The following ARSF variants were observed in gnomAD, a reference collection of about 807,000 sequenced individuals.
ARSF encodes the protein arylsulfatase F.
Under a neutral mutation model 35.4 loss-of-function variants are expected in ARSF, and 33 were observed. The observed-to-expected ratio is 0.93, with a 90% CI of 0.71 to 1.25. The LOEUF is 1.25. Among genes scored for constraint, ARSF ranks in the 50% most tolerant of loss-of-function variants. ARSF has a pLI of 0.00. For synonymous variants in ARSF, 222 were observed against 193.1 expected (o/e 1.15, Z -1.24); for missense variants, 501 against 480.2 (o/e 1.04, Z -0.40).
intron 1 of ARSF, among the ~76,000 whole-genome samples, chrX:3,053,442 C>T (rs2090004532): frequency 9.3e-6 from 1 of 107,946 alleles, no homozygotes; most frequent in Admixed American, 1.0e-4. Context: ...AATTCTAGTG[C>T]CTCAGCCTCC....
chrX:3,045,374 G>A (rs1278385527), intron 1 of ARSF, among the ~76,000 whole-genome samples: 1 of 111,229 alleles, frequency 9.0e-6, no homozygotes, highest in Non-Finnish European at 1.9e-5. Context: ...TCCTGGAGAA[G>A]TGGGTTGCTG....
chrX:3,099,575 C>T lies in ARSF; in HGVS notation c.968-1512C>T, dbSNP rs146809746. Reference sequence around the variant, plus strand: ...GATGGTGTGTTCTCAATCCAGTAGACAAGTAAGTGAATTAGCCCCAACAAT... The same window carrying T: ...GATGGTGTGTTCTCAATCCAGTAGATAAGTAAGTGAATTAGCCCCAACAAT... On this transcript the variant is annotated intron_variant, in intron 7 of 10. Coordinates refer to ENST00000381127, the MANE Select transcript of ARSF (RefSeq NM_001201539.2). 2.4e-3 allele frequency among the ~76,000 whole-genome samples: 264 copies of T among 111,725 alleles called. 1 individual carries two copies. The highest frequency in any genetic ancestry group is 8.2e-3 in the African/African-American group (252 of 30,857).
intron 4 of ARSF, 64 bp downstream of exon 4, chrX:3,076,733 G>A: frequency 1.7e-6 from 2 of 1,174,295 alleles, no homozygotes; most frequent in East Asian, 3.0e-5. Flanking sequence ...AAACAAAAAT[G>A]TGGCTTGACC....
At chrX:3,046,982 T>C (rs143951168) in intron 1 of ARSF, among the ~76,000 whole-genome samples, 8 of 107,901 alleles carry the variant, frequency 7.4e-5, no homozygotes, top group Non-Finnish European at 1.1e-4. Context: ...GGCAAGAAAA[T>C]GTCGTAACAT....
rs749415338 is a variant in ARSF, at chrX:3,084,581, C to A, written c.745C>A (p.Arg249=). Residue 249 remains arginine (R), a synonymous_variant, in exon 6 of 11, where the codon CGG becomes AGG. Transcript: ENST00000381127. ...TTTATACTGGGACTGCCTCCTCATG[C>A]GGGGGCACGAGATCACGGAGCAGCC... The part of the protein sequence containing the change: ...SPLYWDCLLM[R]GHEITEQPMK... The A allele has an allele frequency of 1.7e-6, 2 of 1,210,503 alleles. No individual in the cohort carries two copies. Among genetic ancestry groups the A allele is most frequent in the Non-Finnish European group, 2.2e-6 (2 of 894,843 alleles).
chrX:3,084,181 TGCAA>T, intron 5 of ARSF, 58 bp from the exon 6 acceptor site: 1 of 1,124,325 alleles, frequency 8.9e-7, no homozygotes, highest in Admixed American at 2.2e-5. Context: ...ACATGGTTTT[TGCAA>T]TGTGCTGGCA....
chrX:3,080,417 T>C (rs1446618500), intron 4 of ARSF, among the ~76,000 whole-genome samples: 2 of 107,644 alleles, frequency 1.9e-5, no homozygotes, highest in African/African-American at 6.8e-5. Flanking sequence ...GAGGTTGCAG[T>C]GAGCTGAGAT....
chrX:3,041,294 TTTTTC>T (rs1186452455), upstream of ARSF, among the ~76,000 whole-genome samples: 7 of 35,204 alleles, frequency 2.0e-4, no homozygotes, highest in African/African-American at 3.3e-4. Context: ...TTTTCTTTTC[TTTTTC>T]TTTTTTTTTT....
chrX:3,060,415 G>T (rs1181982149), intron 1 of ARSF, among the ~76,000 whole-genome samples: 2 of 111,899 alleles, frequency 1.8e-5, no homozygotes, highest in African/African-American at 6.5e-5. Flanking sequence ...TCCTCCAAAG[G>T]GTTGCAGCTC....
At chrX:3,066,390 C>A (rs1364842763) in intron 1 of ARSF, among the ~76,000 whole-genome samples, 1 of 111,204 alleles carries the variant, frequency 9.0e-6, no homozygotes, top group African/African-American at 3.3e-5. Context: ...ACAGGGAAGA[C>A]CTTCCATTTC....
chrX:3,106,456 C>G (rs2090412116), intron 9 of ARSF, among the ~76,000 whole-genome samples: 1 of 111,577 alleles, frequency 9.0e-6, no homozygotes, highest in African/African-American at 3.3e-5. Flanking sequence ...ACAGCAAATT[C>G]ACAGTATCAG....
rs149215105 is a variant in ARSF, at chrX:3,086,020, T to TA, written c.830+1365dup. On this transcript the variant is annotated intron_variant, in intron 6 of 10. Transcript: ENST00000381127. ...TGAGCAACAGAGGGAGACTCTGTCT[T>TA]AAAAAAAAAAATGTTGTCTGGGAGT... Among the ~76,000 whole-genome samples, 868 of 105,986 alleles carry TA rather than the reference T, an allele frequency of 8.2e-3. 7 individuals carry two copies. Among genetic ancestry groups the TA allele is most frequent in the African/African-American group, 0.025 (742 of 29,320 alleles). 92.0% of individuals were successfully genotyped at this position (105,986 alleles called of 115,157 possible). A position where few individuals can be genotyped will look rare whatever the true frequency, so the allele number is the denominator to read the frequency against.
intron 1 of ARSF, among the ~76,000 whole-genome samples, chrX:3,045,874 GTTTGTTTTGT>G (rs771948052): frequency 9.3e-6 from 1 of 107,626 alleles, no homozygotes; most frequent in African/African-American, 3.5e-5. Flanking sequence ...TGTTTTTTTT[GTTTGTTTTGT>G]TTTGTTTTGT....
rs1188366061 is a variant in ARSF, at chrX:3,112,390, A to G, written c.1607A>G (p.Asn536Ser). Residue 536 changes from asparagine to serine, a missense_variant, in exon 11 of 11, where the codon AAC (asparagine) becomes AGC (serine). Asn to Ser is a conservative substitution (Grantham distance 46). Coordinates refer to ENST00000381127, the MANE Select transcript of ARSF (RefSeq NM_001201539.2). The part of the protein sequence containing the change: ...LHDFVIKKVA[N>S]ALKEHQETIV... ...GATTTTGTGATTAAAAAGGTGGCCA[A>G]CGCCCTGAAGGAACACCAGGAAACC... 1.1e-5 allele frequency: 13 copies of G among 1,209,329 alleles called. No homozygotes were observed. The highest frequency in any genetic ancestry group is 8.9e-5 in the East Asian group (3 of 33,718).
intron 1 of ARSF, among the ~76,000 whole-genome samples, chrX:3,042,208 AAC>A (rs964755390): frequency 4.5e-5 from 5 of 112,185 alleles, no homozygotes; most frequent in East Asian, 2.8e-4. Context: ...TGCTTAGGCA[AAC>A]ACAGAAAATT....
intron 7 of ARSF, among the ~76,000 whole-genome samples, chrX:3,093,752 C>G (rs776241628): frequency 9.0e-6 from 1 of 111,282 alleles, no homozygotes; most frequent in Non-Finnish European, 1.9e-5. Context: ...GGGTAGACAC[C>G]CAGTAATGGC....
At chrX:3,103,561 G>C (rs2147542961) in intron 8 of ARSF, among the ~76,000 whole-genome samples, 1 of 111,865 alleles carries the variant, frequency 8.9e-6, no homozygotes, top group South Asian at 3.8e-4. Flanking sequence ...CATATGCTTA[G>C]TTATTTAATC....
intron 3 of ARSF, among the ~76,000 whole-genome samples, chrX:3,076,015 C>A (rs2090145827): frequency 9.2e-6 from 1 of 108,886 alleles, no homozygotes; most frequent in Non-Finnish European, 1.9e-5. Flanking sequence ...CTGTTTCTCT[C>A]TGTCTCCCTC....
intron 2 of ARSF, among the ~76,000 whole-genome samples, chrX:3,071,386 C>T (rs939128793): frequency 9.0e-6 from 1 of 110,661 alleles, no homozygotes; most frequent in Admixed American, 9.7e-5. Flanking sequence ...TCACTGCAAC[C>T]TCCGCCTCCC....
Sources: allele counts gnomAD v4.1 joint callset (sites outside exome capture counted in the v4.1 genomes callset), GRCh38; gene constraint gnomAD v4.1.1; transcripts MANE v1.5; gene names NCBI Gene and HGNC (gene_info 2026-07-23, HGNC 2026-07-21).